The following STK32B variants were observed in gnomAD, a reference collection of about 807,000 sequenced individuals.
The protein encoded by STK32B is serine/threonine-protein kinase 32B.
A neutral mutation model predicts 52.6 loss-of-function variants in STK32B; 43 were observed. The ratio of observed to expected loss-of-function variants is 0.82; its 90% CI spans 0.64 to 1.05. STK32B has a LOEUF of 1.05. Ranked by LOEUF, STK32B falls within the 50% of genes least tolerant of loss-of-function variation. The pLI, the probability that STK32B is intolerant of heterozygous loss-of-function variation, is 0.00. For synonymous variants in STK32B, 238 were observed against 204.3 expected (o/e 1.17, Z -1.41); for missense variants, 621 against 534.6 (o/e 1.16, Z -1.59).
intron 3 of STK32B, among the ~76,000 whole-genome samples, chr4:5,270,299 T>A (rs950365815): frequency 1.3e-5 from 2 of 151,770 alleles, no homozygotes; most frequent in Non-Finnish European, 2.9e-5. Context: ...GAACTTGGAG[T>A]CTGATGCTCG....
intron 4 of STK32B, among the ~76,000 whole-genome samples, chr4:5,397,093 A>G (rs1254390657): frequency 6.6e-6 from 1 of 152,236 alleles, no homozygotes; most frequent in Admixed American, 6.5e-5. Flanking sequence ...GCATTGCATT[A>G]CTACAAATTA....
In STK32B at chr4:5,453,222, A is replaced by AGG. The variant is rs1716163380; in HGVS notation, c.667-3583_667-3582dup. Among the ~76,000 whole-genome samples the AGG allele has an allele frequency of 8.7e-6, 1 of 114,738 alleles. No individual in the cohort carries two copies. Among genetic ancestry groups the AGG allele is most frequent in the African/African-American group, 3.0e-5 (1 of 33,718 alleles). The allele number at this position is 114,738 out of a possible 152,430, so 75.3% of individuals were successfully genotyped here. On this transcript the variant is annotated intron_variant, in intron 7 of 11. Coordinates refer to ENST00000282908, the MANE Select transcript of STK32B (RefSeq NM_018401.3). This position sits in a 1 kb window ranked among gnomAD's most constrained non-coding sequence, Gnocchi z 4.0. Reference sequence around the variant, plus strand: ...AGAAGGAGAGAGAATTACAGAGATTAGGGAGAGAGAGAGAGAGAGAGAGTA... The same window carrying AGG: ...AGAAGGAGAGAGAATTACAGAGATTAGGGGGAGAGAGAGAGAGAGAGAGAGTA...
chr4:5,424,926 C>T (rs1712957102), intron 6 of STK32B, among the ~76,000 whole-genome samples: 1 of 152,256 alleles, frequency 6.6e-6, no homozygotes, highest in Non-Finnish European at 1.5e-5. Flanking sequence ...CTCTGCATTT[C>T]CTGGCATCTC....
chr4:5,227,311 G>A lies in STK32B; in HGVS notation c.260+58861G>A, dbSNP rs1003336176. Among the ~76,000 whole-genome samples, 5 of 152,192 alleles carry A rather than the reference G, an allele frequency of 3.3e-5. No homozygotes were observed. In the East Asian group the frequency reaches 9.6e-4, roughly 29 times the overall value. ...CTTTATTCTGTCTTGAAATTTAAGT[G>A]GTTCTTTTACCCACGCATGATTTTT... On this transcript the variant is annotated intron_variant, in intron 3 of 11. Coordinates refer to ENST00000282908, the MANE Select transcript of STK32B (RefSeq NM_018401.3).
At position 5,156,271 on chromosome 4, in the gene STK32B, AATGC is replaced by A. The variant is rs764930257; in HGVS notation, c.109-12024_109-12021del. ...TGATACAGATAACATATATAATATA[AATGC>A]ATGAATATTATATAAATAAATAAAT... On this transcript the variant is annotated intron_variant, in intron 2 of 11. Transcript: ENST00000282908. 2.4e-3 allele frequency among the ~76,000 whole-genome samples: 358 copies of A among 151,918 alleles called. 2 individuals are homozygous for A. The highest frequency in any genetic ancestry group is 8.4e-3 in the African/African-American group (348 of 41,460).
At chr4:5,102,071 G>C (rs12511193) in intron 1 of STK32B, among the ~76,000 whole-genome samples, 135,636 of 152,174 alleles carry the variant, frequency 0.89, 60,557 homozygotes, top group Non-Finnish European at 0.93. Context: ...TGGCATTGCT[G>C]TCAGCCCAGA....
intron 3 of STK32B, among the ~76,000 whole-genome samples, chr4:5,193,017 A>C (rs1721349148): frequency 6.6e-6 from 1 of 152,114 alleles, no homozygotes; most frequent in African/African-American, 2.4e-5. Context: ...GATGGTCCCC[A>C]GTGCCTCCCA....
chr4:5,175,324 A>C (rs1719768374), intron 3 of STK32B, among the ~76,000 whole-genome samples: 1 of 152,080 alleles, frequency 6.6e-6, no homozygotes, highest in Non-Finnish European at 1.5e-5. Flanking sequence ...TTCTCTGTCC[A>C]GCTTTGTTCC....
At chr4:5,452,655 A>G (rs1716112142) in intron 7 of STK32B, among the ~76,000 whole-genome samples, 1 of 151,996 alleles carries the variant, frequency 6.6e-6, no homozygotes, top group Admixed American at 6.5e-5. Context: ...TTTGAGTAAA[A>G]AGATTTTGGG....
At chr4:5,317,399 T>C (rs1731138932) in intron 3 of STK32B, among the ~76,000 whole-genome samples, 1 of 85,222 alleles carries the variant, frequency 1.2e-5, no homozygotes, top group Admixed American at 1.5e-4. Flanking sequence ...ATATAATATA[T>C]ATAATGTATA....
At chr4:5,457,985 GAATC>G (rs1716712247) in intron 8 of STK32B, among the ~76,000 whole-genome samples, 2 of 150,456 alleles carry the variant, frequency 1.3e-5, no homozygotes, top group South Asian at 4.2e-4. Flanking sequence ...AGGAAGGAAG[GAATC>G]AATCTCCTTG....
intron 11 of STK32B, among the ~76,000 whole-genome samples, chr4:5,473,122 A>T (rs931238268): frequency 6.6e-6 from 1 of 152,224 alleles, no homozygotes; most frequent in African/African-American, 2.4e-5. Context: ...CAATATGAAG[A>T]ACTTGAACTC....
rs181221133 is a variant in STK32B at position 5,201,860 on chromosome 4, G to A, written c.260+33410G>A. Among the ~76,000 whole-genome samples the A allele has an allele frequency of 6.4e-4, 98 of 152,266 alleles. 1 individual carries two copies. In the Middle Eastern group the frequency reaches 0.02, roughly 32 times the overall value. ...CCTCCTCCCACCAGGTCCCTTTGTC[G>A]AAACGTGGGGATTACAATTTGAGAT... On this transcript the variant is annotated intron_variant, in intron 3 of 11. Transcript: ENST00000282908.
At chr4:5,420,962 T>C (rs1439736071) in intron 6 of STK32B, among the ~76,000 whole-genome samples, 1 of 152,200 alleles carries the variant, frequency 6.6e-6, no homozygotes, top group Admixed American at 6.5e-5. Flanking sequence ...TATAATGGCA[T>C]GATCTTGGCT....
chr4:5,165,203 G>C (rs1718775167), intron 2 of STK32B, among the ~76,000 whole-genome samples: 1 of 152,148 alleles, frequency 6.6e-6, no homozygotes, highest in Non-Finnish European at 1.5e-5. Flanking sequence ...CATCAAGCTG[G>C]CCAAGACCCC....
At chr4:5,495,145 C>T (rs1044760455) in intron 11 of STK32B, among the ~76,000 whole-genome samples, 1 of 152,180 alleles carries the variant, frequency 6.6e-6, no homozygotes, top group Admixed American at 6.5e-5. Flanking sequence ...TGGGGAAGTT[C>T]TCCTGGATAA....
intron 3 of STK32B, among the ~76,000 whole-genome samples, chr4:5,290,220 A>G (rs1340289522): frequency 2.0e-5 from 3 of 152,124 alleles, no homozygotes; most frequent in African/African-American, 7.2e-5. Flanking sequence ...AAAATGTTTT[A>G]CTTTCTTCAA....
chr4:5,489,538 C>T (rs1424880516), intron 11 of STK32B, among the ~76,000 whole-genome samples: 5 of 151,728 alleles, frequency 3.3e-5, no homozygotes, highest in Non-Finnish European at 7.4e-5. Flanking sequence ...GATAAGTAAA[C>T]CCAGGCAAAA....
intron 4 of STK32B, among the ~76,000 whole-genome samples, chr4:5,358,607 A>G (rs1334307727): frequency 1.3e-5 from 2 of 152,144 alleles, no homozygotes; most frequent in African/African-American, 2.4e-5. Flanking sequence ...AGAGGCTTCA[A>G]TCCTTGTGGA....
Sources: gnomAD v4.1 joint callset for allele counts (sites outside exome capture counted in the v4.1 genomes callset) on GRCh38, gnomAD v4.1.1 for gene constraint, Gnocchi (gnomAD v3.1) non-coding constraint, MANE v1.5 for transcripts, NCBI Gene and HGNC (gene_info 2026-07-23, HGNC 2026-07-21) for gene names.